The following NUP188 variants were observed in gnomAD, a reference collection of about 807,000 sequenced individuals.
The protein encoded by NUP188 is nucleoporin NUP188.
Under a neutral mutation model 223.0 loss-of-function variants are expected in NUP188, and 97 were observed. The ratio of observed to expected loss-of-function variants is 0.43; its 90% CI spans 0.37 to 0.51. NUP188 has a LOEUF of 0.51. Among genes scored for constraint, NUP188 ranks in the 20% least tolerant of loss-of-function variants. The pLI is 0.00. For synonymous variants in NUP188, 869 were observed against 828.0 expected, an observed-to-expected ratio of 1.05 and a Z score of -0.85; for missense variants, 1,947 against 2,175.6, an observed-to-expected ratio of 0.89 and a Z score of 2.09.
Position 128,999,717 on chromosome 9 carries a change from G to T in NUP188, c.3755G>T (p.Ser1252Ile). The change falls in exon 34 of 44, where the codon AGT (serine) becomes ATT (isoleucine). Residue 1252 changes from serine (S) to isoleucine (I), a missense_variant. Around this residue, in one of 3 missense-constraint regions of NUP188, gnomAD observed 905 missense variants for 990.6 expected, o/e 0.91. Coordinates refer to ENST00000372577, the MANE Select transcript of NUP188 (RefSeq NM_015354.3). ...GCACTCTTCGACCAGACCCGCCACAGTCTGGCATTAGGCAGTGCCACAGAG... is the reference window on the plus strand; with the variant it reads ...GCACTCTTCGACCAGACCCGCCACATTCTGGCATTAGGCAGTGCCACAGAG... ...VIALFDQTRH[S>I]LALGSATEDK... The T allele has an allele frequency of 6.2e-7, 1 of 1,614,222 alleles. No homozygotes were observed. The highest frequency in any genetic ancestry group is 2.2e-5 in the East Asian group (1 of 44,884).
chr9:128,950,382 G>A (rs570892982), intron 2 of NUP188, among the ~76,000 whole-genome samples: 3 of 151,044 alleles, frequency 2.0e-5, no homozygotes, highest in South Asian at 2.1e-4. Flanking sequence ...CACCACGCCC[G>A]GCTAATTTTT....
chr9:129,004,839 G>A, intron 38 of NUP188: 2 of 430,548 alleles, frequency 4.6e-6, no homozygotes, highest in Non-Finnish European at 8.4e-6. Flanking sequence ...AATATACCAG[G>A]CACCTAGCTG....
chr9:128,981,458 G>C, intron 15 of NUP188, 68 bp downstream of exon 15: 3 of 1,502,086 alleles, frequency 2.0e-6, no homozygotes, highest in Non-Finnish European at 2.7e-6. Context: ...TGTCACCCAA[G>C]CTGGAGTGCA....
Position 128,982,614 on chromosome 9 carries a change from TA to T in NUP188, c.1583del (p.Tyr528SerfsTer31). 1 of 1,614,182 alleles carries T rather than the reference TA, an allele frequency of 6.2e-7. No individual in the cohort carries two copies. The highest frequency in any genetic ancestry group is 8.5e-7 in the Non-Finnish European group (1 of 1,180,006). ...VGQVMLDDRAYLVRWEYSYSS... is the reference protein window; with the variant it reads ...VGQVMLDDRAXLVRWEYSYSS... ...CCAAGTAATGTTGGATGATAGGGCA[TA>T]CCTGGTACGCTGGGAATACTCCTAT... On this transcript the variant is annotated frameshift_variant, in exon 16 of 44. Coordinates refer to ENST00000372577, the MANE Select transcript of NUP188 (RefSeq NM_015354.3). LOFTEE classifies it high-confidence loss of function.
Position 129,003,312 on chromosome 9 carries a change from C to G in NUP188, c.4297-5C>G. ...ATCTTTCCCTGATGTGTGCTTTCCT[C>G]CCAGTGCCTCAACGCAGTGAGGACA... is the stretch of plus-strand genomic sequence containing the variant. On this transcript the variant is annotated splice_polypyrimidine_tract_variant and splice_region_variant and intron_variant, in intron 37 of 43. Coordinates refer to ENST00000372577, the MANE Select transcript of NUP188 (RefSeq NM_015354.3). 1 of 1,600,278 alleles carries G rather than the reference C, an allele frequency of 6.2e-7. No homozygotes were observed. The highest frequency in any genetic ancestry group is 8.5e-7 in the Non-Finnish European group (1 of 1,177,220).
intron 34 of NUP188, among the ~76,000 whole-genome samples, chr9:129,000,688 T>G (rs1170484473): frequency 1.3e-5 from 2 of 151,868 alleles, no homozygotes; most frequent in African/African-American, 4.8e-5. Context: ...TTGTGTGACA[T>G]TAGGGTAGGT....
Position 128,981,283 on chromosome 9 carries a change from A to G in NUP188, c.1409A>G (p.Lys470Arg). 3 of 1,613,938 alleles carry G rather than the reference A, an allele frequency of 1.9e-6. No homozygotes were observed. The highest frequency in any genetic ancestry group is 2.5e-6 in the Non-Finnish European group (3 of 1,179,924). The change falls in exon 15 of 44, where the codon AAG becomes AGG. Residue 470 changes from lysine (K) to arginine (R), a missense_variant. Physicochemically the swap from Lys to Arg is conservative, Grantham distance 26 (BLOSUM62 2). This residue lies in a region of NUP188 where 817 missense variants were observed against 865.8 expected (regional missense o/e 0.94). Transcript: ENST00000372577. ...TAKKVYSFLD[K>R]MSFYNELYKH... ...TGGCAGGTGTATAGCTTCTTGGATA[A>G]GATGTCTTTCTACAATGAACTTTAT...
At chr9:128,961,727 T>G (rs1255096659) in intron 8 of NUP188, among the ~76,000 whole-genome samples, 1 of 150,700 alleles carries the variant, frequency 6.6e-6, no homozygotes, top group Non-Finnish European at 1.5e-5. Flanking sequence ...GTTCAAGTGA[T>G]TCTCCTGCCT....
chr9:128,985,892 A>T (rs1842325739), intron 20 of NUP188, among the ~76,000 whole-genome samples: 1 of 152,100 alleles, frequency 6.6e-6, no homozygotes, highest in Admixed American at 6.5e-5. Context: ...TACAAAAATT[A>T]GCTGGGCGTG....
intron 23 of NUP188, 34 bp downstream of exon 23, chr9:128,987,751 C>T (rs1291628639): frequency 1.2e-6 from 2 of 1,602,114 alleles, no homozygotes; most frequent in Non-Finnish European, 1.7e-6. Flanking sequence ...CTTTGTCTGT[C>T]TTTATTGTGC....
At chr9:128,982,818 AT>A (rs1294053927) in intron 16 of NUP188, 83 bp from the exon 17 acceptor site, 2 of 1,592,860 alleles carry the variant, frequency 1.3e-6, no homozygotes, top group African/African-American at 1.3e-5. Flanking sequence ...GATTTGTCTG[AT>A]TTGTGTATCT....
intron 33 of NUP188, 121 bp downstream of exon 33, chr9:128,999,438 T>G: frequency 7.3e-7 from 1 of 1,367,010 alleles, no homozygotes; most frequent in Non-Finnish European, 1.0e-6. Flanking sequence ...TTTCCAGTCA[T>G]GGAATTCTTA....
At position 128,957,259 on chromosome 9, in the gene NUP188, G is replaced by A. The variant is rs751949924; in HGVS notation, c.327+227G>A. Among the ~76,000 whole-genome samples the A allele has an allele frequency of 1.9e-3, 294 of 152,224 alleles. 1 individual carries two copies. The highest frequency in any genetic ancestry group is 3.1e-3 in the Non-Finnish European group (208 of 67,996). ...AGGCTGAGGCAGGAGGATCACTTGA[G>A]TCCAGGAGTTTGAGGCTGCAGTGAA... On this transcript the variant is annotated intron_variant, in intron 5 of 43. Coordinates refer to ENST00000372577, the MANE Select transcript of NUP188 (RefSeq NM_015354.3).
In NUP188 at chr9:128,999,637, C is replaced by T; in HGVS notation, c.3675C>T (p.Pro1225=). ...QMKEMKVSDI[P]QYSQLVLNVC... ...TCTATTCTACAGTAAGTGACATCCC[C>T]CAGTACTCCCAGCTGGTGCTGAATG... The change falls in exon 34 of 44, where the codon CCC becomes CCT. Residue 1225 remains proline (P), a synonymous_variant. Coordinates refer to ENST00000372577, the MANE Select transcript of NUP188 (RefSeq NM_015354.3). The T allele has an allele frequency of 1.2e-6, 2 of 1,614,094 alleles. No homozygotes were observed. The highest frequency in any genetic ancestry group is 1.7e-6 in the Non-Finnish European group (2 of 1,180,022).
intron 11 of NUP188, among the ~76,000 whole-genome samples, chr9:128,972,670 A>G (rs897231718): frequency 6.6e-6 from 1 of 152,330 alleles, no homozygotes; most frequent in East Asian, 1.9e-4. Flanking sequence ...GTGGGATGCT[A>G]TTTATGTGTG....
rs61751464 is a variant in NUP188, at chr9:129,002,939, G to C, written c.4260G>C (p.Leu1420=). 5 of 1,614,202 alleles carry C rather than the reference G, an allele frequency of 3.1e-6. No individual in the cohort carries two copies. The highest frequency in any genetic ancestry group is 3.4e-6 in the Non-Finnish European group (4 of 1,180,038). Residue 1420 remains leucine (L), a synonymous_variant, in exon 37 of 44, where the codon CTG becomes CTC. Coordinates refer to ENST00000372577, the MANE Select transcript of NUP188 (RefSeq NM_015354.3). ...GCTACAACTTCCTGCCTGAGGCCCT[G>C]GACTTCGTGGGTGTCCACCAGGAGC... ...TLRYNFLPEA[L]DFVGVHQERT... is the part of the protein sequence containing the mutation.
chr9:129,003,503 A>G, intron 38 of NUP188, 49 bp downstream of exon 38: 1 of 1,598,096 alleles, frequency 6.3e-7, no homozygotes, highest in Middle Eastern at 1.7e-4. Context: ...GCTTGGAGAC[A>G]GGGAGGCTGT....
chr9:128,998,236 T>A lies in NUP188; in HGVS notation c.3429+8T>A. 1 of 1,609,902 alleles carries A rather than the reference T, an allele frequency of 6.2e-7. No individual in the cohort carries two copies. Among genetic ancestry groups the A allele is most frequent in the South Asian group, 1.1e-5 (1 of 91,026 alleles). On this transcript the variant is annotated splice_region_variant and intron_variant, in intron 31 of 43. Transcript: ENST00000372577. The stretch of plus-strand genomic sequence containing the variant: ...GATGGAACCAAAGCATTAGTAAGTG[T>A]GTCTGGGAGATTTTACATTTCTCCC...
intron 36 of NUP188, 88 bp from the exon 37 acceptor site, chr9:129,002,729 G>A (rs1842693830): frequency 7.1e-7 from 1 of 1,400,580 alleles, no homozygotes; most frequent in African/African-American, 1.4e-5. Context: ...TTTCCTTTCA[G>A]CGCAGCTGGG....
Sources: allele counts gnomAD v4.1 joint callset (sites outside exome capture counted in the v4.1 genomes callset), GRCh38; gene constraint gnomAD v4.1.1; regional missense constraint gnomAD v4.1.1; transcripts MANE v1.5; gene names NCBI Gene and HGNC (gene_info 2026-07-23, HGNC 2026-07-21).